The following SPAG16 variants were observed in gnomAD, a reference collection of about 807,000 sequenced individuals.
SPAG16 encodes the protein sperm-associated antigen 16 protein.
A neutral mutation model predicts 80.4 loss-of-function variants in SPAG16; 86 were observed. That is an observed-to-expected ratio of 1.07 (90% CI 0.90 to 1.28). SPAG16 has a LOEUF of 1.28. SPAG16 is among the 50% of genes most tolerant of loss of function. The pLI is 0.00. For synonymous variants in SPAG16, 294 were observed against 265.9 expected (o/e 1.11, Z -1.03); for missense variants, 870 against 765.3 (o/e 1.14, Z -1.61).
intron 13 of SPAG16, among the ~76,000 whole-genome samples, chr2:214,033,217 A>AT (rs1294424385): frequency 1.8e-4 from 27 of 152,178 alleles, no homozygotes. Context: ...GATTACTGTC[A>AT]TTATTCTTAT....
intron 13 of SPAG16, among the ~76,000 whole-genome samples, chr2:214,055,366 T>A (rs1343726169): frequency 6.6e-6 from 1 of 152,166 alleles, no homozygotes; most frequent in African/African-American, 2.4e-5. Context: ...ATGGACTACT[T>A]TTCTTAACTA....
intron 10 of SPAG16, among the ~76,000 whole-genome samples, chr2:213,809,118 G>C (rs1460003229): frequency 6.6e-6 from 1 of 152,186 alleles, no homozygotes; most frequent in South Asian, 2.1e-4. Flanking sequence ...TCACCTCTGT[G>C]TGTCTCCCCA....
chr2:213,651,146 A>G (rs569406488), intron 10 of SPAG16, among the ~76,000 whole-genome samples: 1 of 152,308 alleles, frequency 6.6e-6, no homozygotes, highest in Admixed American at 6.5e-5. Flanking sequence ...AATCACTATG[A>G]ACATTATACA....
intron 15 of SPAG16, among the ~76,000 whole-genome samples, chr2:214,397,015 TTAATA>T (rs1343277437): frequency 3.9e-5 from 6 of 152,146 alleles, no homozygotes; most frequent in East Asian, 1.9e-4. Context: ...TTTATTCTGT[TTAATA>T]TAATAAAATC....
chr2:213,886,185 A>C (rs2076547345), intron 11 of SPAG16, among the ~76,000 whole-genome samples: 1 of 152,158 alleles, frequency 6.6e-6, no homozygotes, highest in Non-Finnish European at 1.5e-5. Context: ...CAGTCAAACA[A>C]GGTAGGTCAG....
intron 12 of SPAG16, among the ~76,000 whole-genome samples, chr2:213,998,277 A>G (rs768243681): frequency 6.6e-6 from 1 of 152,126 alleles, no homozygotes; most frequent in Non-Finnish European, 1.5e-5. Flanking sequence ...GTACTCCCAT[A>G]ATTCCCATGT....
At chr2:213,750,275 C>T (rs1467951856) in intron 10 of SPAG16, among the ~76,000 whole-genome samples, 4 of 152,152 alleles carry the variant, frequency 2.6e-5, no homozygotes, top group Admixed American at 6.5e-5. Flanking sequence ...CAGCTGCCTG[C>T]ATTCAAAGAG....
At chr2:214,246,013 T>C (rs16851651) in intron 15 of SPAG16, among the ~76,000 whole-genome samples, 8,895 of 152,210 alleles carry the variant, frequency 0.058, 897 homozygotes, top group African/African-American at 0.2. Flanking sequence ...TGTATGGGTA[T>C]TGCAGATTTT....
At chr2:213,679,809 C>T (rs950575383) in intron 10 of SPAG16, among the ~76,000 whole-genome samples, 9 of 151,808 alleles carry the variant, frequency 5.9e-5, no homozygotes, top group Admixed American at 4.6e-4. Flanking sequence ...AGATGACAAA[C>T]GAAGGGTAAA....
At chr2:214,391,158 C>T (rs1701059249) in intron 15 of SPAG16, among the ~76,000 whole-genome samples, 1 of 152,084 alleles carries the variant, frequency 6.6e-6, no homozygotes, top group South Asian at 2.1e-4. Context: ...AATCTTGACC[C>T]TACTACTTAC....
intron 6 of SPAG16, among the ~76,000 whole-genome samples, chr2:213,349,253 A>G (rs1010157509): frequency 4.6e-5 from 7 of 152,210 alleles, no homozygotes; most frequent in Non-Finnish European, 8.8e-5. Flanking sequence ...TTTAAAACCA[A>G]TGATGTCATC....
chr2:213,670,402 A>T (rs936259530), intron 10 of SPAG16, among the ~76,000 whole-genome samples: 2 of 152,168 alleles, frequency 1.3e-5, no homozygotes, highest in Non-Finnish European at 2.9e-5. Flanking sequence ...AAATACTAAA[A>T]ATTAACCTCA....
intron 10 of SPAG16, among the ~76,000 whole-genome samples, chr2:213,670,291 A>G (rs2063771319): frequency 6.6e-6 from 1 of 152,028 alleles, no homozygotes; most frequent in Non-Finnish European, 1.5e-5. Context: ...CCACCGCGCC[A>G]GGCCAAGCAT....
chr2:213,539,601 T>TA (rs1203634640), intron 10 of SPAG16, among the ~76,000 whole-genome samples: 4 of 152,208 alleles, frequency 2.6e-5, no homozygotes, highest in African/African-American at 9.6e-5. Context: ...TTTTCTGACT[T>TA]AAAAAAATGC....
At chr2:213,581,374 A>C (rs2060292613) in intron 10 of SPAG16, among the ~76,000 whole-genome samples, 1 of 151,910 alleles carries the variant, frequency 6.6e-6, no homozygotes. Context: ...GTACCACCAT[A>C]GTTAGCTAAT....
At chr2:213,698,582 G>T (rs1440137227) in intron 10 of SPAG16, among the ~76,000 whole-genome samples, 1 of 152,086 alleles carries the variant, frequency 6.6e-6, no homozygotes, top group Non-Finnish European at 1.5e-5. Context: ...TGTTAACAGG[G>T]CTCTACTTTT....
intron 11 of SPAG16, among the ~76,000 whole-genome samples, chr2:213,918,854 A>T (rs1341745875): frequency 6.6e-6 from 1 of 151,768 alleles, no homozygotes; most frequent in Non-Finnish European, 1.5e-5. Flanking sequence ...TCCTGGGTTC[A>T]GTCTTGGGAG....
In SPAG16 at chr2:214,356,714, C is replaced by A. The variant is rs576427782; in HGVS notation, c.1721-53426C>A. Among the ~76,000 whole-genome samples the A allele has an allele frequency of 6.2e-4, 95 of 152,018 alleles. 1 individual carries two copies. Among genetic ancestry groups the A allele is most frequent in the African/African-American group, 2.2e-3 (92 of 41,496 alleles). On this transcript the variant is annotated intron_variant, in intron 15 of 15. Coordinates refer to ENST00000331683, the MANE Select transcript of SPAG16 (RefSeq NM_024532.5). ...TCAGAACCATGCAAGAACCTATAAG[C>A]AATTTATCTCACGCCACAGTTTTCT...
At chr2:213,679,371 T>C (rs933473769) in intron 10 of SPAG16, among the ~76,000 whole-genome samples, 5 of 152,230 alleles carry the variant, frequency 3.3e-5, no homozygotes, top group African/African-American at 1.2e-4. Flanking sequence ...TTTGCAGTTT[T>C]GCTCCTTTCC....
Sources: gnomAD v4.1 joint callset for allele counts (sites outside exome capture counted in the v4.1 genomes callset) on GRCh38, gnomAD v4.1.1 for gene constraint, MANE v1.5 for transcripts, NCBI Gene and HGNC (gene_info 2026-07-23, HGNC 2026-07-21) for gene names.